Variants in SDK1 observed in about 807,000 individuals in gnomAD.
SDK1 encodes the protein protein sidekick-1.
A neutral mutation model predicts 245.5 loss-of-function variants in SDK1; 157 were observed. That is an observed-to-expected ratio of 0.64 (90% confidence interval 0.56 to 0.73). SDK1 has a LOEUF of 0.73. Among genes scored for constraint, SDK1 ranks in the 30% least tolerant of loss-of-function variants. The probability of loss-of-function intolerance (pLI) is 0.00; values close to 1 mark genes in which losing one functional copy is unlikely to be tolerated. For missense variants in SDK1, 3,583 were observed against 3,002.3 expected (o/e 1.19, Z -4.52); for synonymous variants, 1,647 against 1,278.5 (o/e 1.29, Z -6.15).
chr7:3,417,105 T>A (rs1471177264), intron 1 of SDK1, among the ~76,000 whole-genome samples: 1 of 151,926 alleles, frequency 6.6e-6, no homozygotes, highest in Non-Finnish European at 1.5e-5. Flanking sequence ...ACCCAGGAGG[T>A]GGAGGTTGCA....
intron 1 of SDK1, among the ~76,000 whole-genome samples, chr7:3,478,730 C>G (rs752044534): frequency 1.3e-5 from 2 of 151,910 alleles, no homozygotes; most frequent in Non-Finnish European, 2.9e-5. Flanking sequence ...CTACCTGATT[C>G]ATGTTTATAC....
intron 1 of SDK1, among the ~76,000 whole-genome samples, chr7:3,450,831 A>C (rs1780491966): frequency 6.6e-6 from 1 of 152,186 alleles, no homozygotes; most frequent in Non-Finnish European, 1.5e-5. Flanking sequence ...ATGAAGATGG[A>C]GACATCTAAG....
At chr7:3,983,732 A>T (rs1211542476) in intron 13 of SDK1, among the ~76,000 whole-genome samples, 1 of 152,220 alleles carries the variant, frequency 6.6e-6, no homozygotes, top group Non-Finnish European at 1.5e-5. Context: ...AAGAGATATT[A>T]TCAAGGGGAT....
Position 4,265,573 on chromosome 7 carries a change from T to C in SDK1, c.*189T>C, listed in dbSNP as rs967271606. 2.2e-6 allele frequency: 3 copies of C among 1,344,488 alleles called. No individual in the cohort carries two copies. The highest frequency in any genetic ancestry group is 2.8e-6 in the Non-Finnish European group (3 of 1,057,488). 83.3% of individuals were successfully genotyped at this position (1,344,488 alleles called of 1,614,324 possible). A position where few individuals can be genotyped will look rare whatever the true frequency, so the allele number is the denominator to read the frequency against. ...GAAGGTTTTTTTAAACGGCTTTTTGTAACTTCGCTGCAGGAAGCAGGTTTG... is the reference window on the plus strand; with the variant it reads ...GAAGGTTTTTTTAAACGGCTTTTTGCAACTTCGCTGCAGGAAGCAGGTTTG... On this transcript the variant is annotated 3_prime_UTR_variant, in exon 45 of 45. Coordinates refer to ENST00000404826, the MANE Select transcript of SDK1 (RefSeq NM_152744.4).
intron 4 of SDK1, among the ~76,000 whole-genome samples, chr7:3,765,582 C>T (rs1780230909): frequency 6.6e-6 from 1 of 152,166 alleles, no homozygotes; most frequent in Non-Finnish European, 1.5e-5. Context: ...TGTATTTTCA[C>T]ATGGAATAGC....
intron 1 of SDK1, among the ~76,000 whole-genome samples, chr7:3,303,861 G>C (rs1779346562): frequency 6.6e-6 from 1 of 152,180 alleles, no homozygotes; most frequent in African/African-American, 2.4e-5. Flanking sequence ...AGAGATTTCT[G>C]ATGGGATGAT....
chr7:3,826,307 G>A (rs183513089), intron 5 of SDK1, among the ~76,000 whole-genome samples: 96 of 152,302 alleles, frequency 6.3e-4, no homozygotes, highest in African/African-American at 2.1e-3. Context: ...TGAAGGTTCC[G>A]TTCCGTCTTT....
At chr7:3,772,904 G>A (rs770004076) in intron 4 of SDK1, among the ~76,000 whole-genome samples, 1 of 152,134 alleles carries the variant, frequency 6.6e-6, no homozygotes, top group Non-Finnish European at 1.5e-5. Flanking sequence ...CAAATCTGCT[G>A]ATAATTTTAT....
intron 32 of SDK1, among the ~76,000 whole-genome samples, chr7:4,166,067 G>A (rs1781480032): frequency 6.6e-6 from 1 of 152,198 alleles, no homozygotes; most frequent in African/African-American, 2.4e-5. Flanking sequence ...GGGATTACAG[G>A]TATGAGCCAC....
chr7:4,234,349 C>T (rs894840501), intron 41 of SDK1, among the ~76,000 whole-genome samples: 20 of 152,144 alleles, frequency 1.3e-4, no homozygotes, highest in African/African-American at 4.6e-4. Context: ...GCAGAGAAGG[C>T]CAGGGCAGGG....
At chr7:3,395,748 CTATT>C (rs1781880700) in intron 1 of SDK1, among the ~76,000 whole-genome samples, 1 of 151,744 alleles carries the variant, frequency 6.6e-6, no homozygotes, top group South Asian at 2.1e-4. Flanking sequence ...AGGAATTTGT[CTATT>C]TAAGTTGTTG....
chr7:3,909,014 C>T (rs922799323), intron 5 of SDK1, among the ~76,000 whole-genome samples: 2 of 152,086 alleles, frequency 1.3e-5, no homozygotes, highest in Non-Finnish European at 2.9e-5. Context: ...TCAAGTGAGC[C>T]AGGGTGGGAG....
chr7:3,667,216 G>A (rs1783561212), intron 4 of SDK1, among the ~76,000 whole-genome samples: 1 of 152,130 alleles, frequency 6.6e-6, no homozygotes, highest in South Asian at 2.1e-4. Flanking sequence ...TTTATATAGT[G>A]TGTTCAAATG....
intron 4 of SDK1, among the ~76,000 whole-genome samples, chr7:3,658,391 A>G (rs185740346): frequency 1.3e-5 from 2 of 152,170 alleles, no homozygotes; most frequent in African/African-American, 4.8e-5. Flanking sequence ...GGCTCTGCGG[A>G]TAAAAAGATC....
At position 3,487,754 on chromosome 7, in the gene SDK1, C is replaced by CAAAAAA. The variant is rs764105126; in HGVS notation, c.299-131309_299-131304dup. Among the ~76,000 whole-genome samples the CAAAAAA allele has an allele frequency of 8.0e-3, 512 of 64,234 alleles. 8 individuals are homozygous for CAAAAAA. Among genetic ancestry groups the CAAAAAA allele is most frequent in the Middle Eastern group, 0.026 (2 of 76 alleles). The allele number at this position is 64,234 out of a possible 152,430, so 42.1% of individuals were successfully genotyped here. Reference sequence around the variant, plus strand: ...TGGGCAACAGAGCAAGACCCCATCTCAAAAAAAAAAAAAAAAAAAAAAGAA... The same window carrying CAAAAAA: ...TGGGCAACAGAGCAAGACCCCATCTCAAAAAAAAAAAAAAAAAAAAAAAAAAAAGAA... On this transcript the variant is annotated intron_variant, in intron 1 of 44. Transcript: ENST00000404826.
chr7:4,074,743 GTACCAGC>G (rs1780515337), intron 20 of SDK1, among the ~76,000 whole-genome samples: 1 of 151,046 alleles, frequency 6.6e-6, no homozygotes, highest in African/African-American at 2.4e-5. Flanking sequence ...CATGCCTATA[GTACCAGC>G]TACTTGAGAG....
At position 3,350,067 on chromosome 7, in the gene SDK1, G is replaced by T. The variant is rs117337026; in HGVS notation, c.298+48183G>T. ...TTTTTAATGTAGCCCAATAACAAAAGGTCATGCTATTGGTGATGGGTGGGT... is the reference window on the plus strand; with the variant it reads ...TTTTTAATGTAGCCCAATAACAAAATGTCATGCTATTGGTGATGGGTGGGT... On this transcript the variant is annotated intron_variant, in intron 1 of 44. Transcript: ENST00000404826. Among the ~76,000 whole-genome samples the T allele has an allele frequency of 7.2e-3, 1,096 of 152,270 alleles. 2 individuals carry two copies. Among genetic ancestry groups the T allele is most frequent in the Non-Finnish European group, 0.012 (815 of 68,020 alleles).
At position 3,385,371 on chromosome 7, in the gene SDK1, A is replaced by G. The variant is rs538941796; in HGVS notation, c.298+83487A>G. ...CTTAACATTTCCATTTCATATATAT[A>G]GGGGAAGAAAATTCCCATTTTTTGG... On this transcript the variant is annotated intron_variant, in intron 1 of 44. Coordinates refer to ENST00000404826, the MANE Select transcript of SDK1 (RefSeq NM_152744.4). Among the ~76,000 whole-genome samples, 14 of 152,316 alleles carry G rather than the reference A, an allele frequency of 9.2e-5. No homozygotes were observed. In the South Asian group the frequency reaches 2.7e-3, roughly 29 times the overall value.
At chr7:3,406,062 C>G (rs563421601) in intron 1 of SDK1, among the ~76,000 whole-genome samples, 2 of 152,252 alleles carry the variant, frequency 1.3e-5, no homozygotes, top group African/African-American at 4.8e-5. Flanking sequence ...ATCCACCTGC[C>G]TTGGCCTCCC....
Sources: gnomAD v4.1 joint callset for allele counts (sites outside exome capture counted in the v4.1 genomes callset) on GRCh38, gnomAD v4.1.1 for gene constraint, MANE v1.5 for transcripts, NCBI Gene and HGNC (gene_info 2026-07-23, HGNC 2026-07-21) for gene names.